The following CTSF variants were observed in gnomAD, a reference collection of about 807,000 sequenced individuals.
CTSF encodes cathepsin F.
CTSF carries 65 observed loss-of-function variants against 63.5 expected under a neutral mutation model. That is an observed-to-expected ratio of 1.02 (90% confidence interval 0.84 to 1.26). The LOEUF (loss-of-function observed/expected upper bound fraction) is 1.26, where lower values mean the gene tolerates loss of function less well. CTSF is among the 50% of genes most tolerant of loss of function. The pLI is 0.00. For synonymous variants in CTSF, 256 were observed against 258.1 expected (o/e 0.99, Z 0.08); for missense variants, 641 against 631.0 (o/e 1.02, Z -0.17).
intron 11 of CTSF, 153 bp from the exon 12 acceptor site, chr11:66,564,299 G>C: frequency 9.8e-7 from 1 of 1,025,464 alleles, no homozygotes; most frequent in Non-Finnish European, 1.4e-6. Context: ...ACCAGCCTCA[G>C]GGAGAAGCCC....
intron 1 of CTSF, 83 bp downstream of exon 1, chr11:66,568,191 G>A (rs898225748): frequency 2.0e-6 from 3 of 1,531,412 alleles, no homozygotes; most frequent in African/African-American, 1.4e-5. Context: ...TTCGTCCAGC[G>A]GGCAGGCCCC....
Position 66,567,292 on chromosome 11 carries a change from G to C in CTSF, c.561C>G (p.Phe187Leu). 1 of 1,614,206 alleles carries C rather than the reference G, an allele frequency of 6.2e-7. No individual in the cohort carries two copies. Among genetic ancestry groups the C allele is most frequent in the Non-Finnish European group, 8.5e-7 (1 of 1,180,040 alleles). ...QDLPVKMASI[F>L]KNFVITYNRT... The stretch of plus-strand genomic sequence containing the variant: ...GGTTATAGGTAATGACAAAGTTCTT[G>C]AAGATTGAAGCCATCTTCACAGGCA... The change falls in exon 4 of 13, where the codon TTC becomes TTG. Residue 187 changes from phenylalanine (F) to leucine (L), a missense_variant. By Grantham distance (22) the Phe-to-Leu change is conservative. Coordinates refer to ENST00000310325, the MANE Select transcript of CTSF (RefSeq NM_003793.4).
chr11:66,566,732 T>G (rs1257313699), intron 4 of CTSF, among the ~76,000 whole-genome samples: 1 of 151,926 alleles, frequency 6.6e-6, no homozygotes, highest in Non-Finnish European at 1.5e-5. Flanking sequence ...AGCTTCTTTT[T>G]TTTTTTTTTG....
chr11:66,564,994 G>C lies in CTSF; in HGVS notation c.1058C>G (p.Thr353Arg). The C allele has an allele frequency of 6.4e-7, 1 of 1,568,864 alleles. No homozygotes were observed. Among genetic ancestry groups the C allele is most frequent in the Non-Finnish European group, 8.7e-7 (1 of 1,153,970 alleles). The change falls in exon 9 of 13, where the codon ACA becomes AGA. Residue 353 changes from threonine (T) to arginine (R), a missense_variant. By Grantham distance (71) the Thr-to-Arg change is moderately conservative. Coordinates refer to ENST00000310325, the MANE Select transcript of CTSF (RefSeq NM_003793.4). ...SAIKNLGGLE[T>R]EDDYSYQGHM... ...ACCCTGGTAGCTGTAGTCATCCTCT[G>C]TCTCCAGCCCTCCTGGGGAACGGTG...
At chr11:66,564,417 C>T in intron 11 of CTSF, 141 bp downstream of exon 11, 1 of 846,282 alleles carries the variant, frequency 1.2e-6, no homozygotes, top group East Asian at 2.7e-5. Context: ...ACAGATGATG[C>T]CCAGCTGGTC....
In CTSF at chr11:66,564,726, G is replaced by A. The variant is rs1287331759; in HGVS notation, c.1230+16C>T. 7 of 1,613,694 alleles carry A rather than the reference G, an allele frequency of 4.3e-6. No homozygotes were observed. Among genetic ancestry groups the A allele is most frequent in the African/African-American group, 4.0e-5 (3 of 74,940 alleles). On this transcript the variant is annotated intron_variant, in intron 10 of 12. Coordinates refer to ENST00000310325, the MANE Select transcript of CTSF (RefSeq NM_003793.4). ...CAACAAGAGATGGGGCAGGGGCAGT[G>A]GGGCTAGGGCCTCACCTGCATGCCA...
rs1015338674 is a variant in CTSF, at chr11:66,568,265, C to T, written c.213+9G>A. The T allele has an allele frequency of 4.0e-6, 6 of 1,507,724 alleles. No individual in the cohort carries two copies. The highest frequency in any genetic ancestry group is 5.3e-6 in the Non-Finnish European group (6 of 1,135,098). 93.4% of individuals were successfully genotyped at this position (1,507,724 alleles called of 1,614,324 possible). A position where few individuals can be genotyped will look rare whatever the true frequency, so the allele number is the denominator to read the frequency against. On this transcript the variant is annotated intron_variant, in intron 1 of 12. Transcript: ENST00000310325. ...GGGCCTGGCGCCCCCGCCCCCGGCG[C>T]GTCCTCACCCGGCGGACGCGGCCGC...
chr11:66,567,769 G>A (rs1266097992), intron 2 of CTSF, 107 bp from the exon 3 acceptor site: 4 of 1,470,288 alleles, frequency 2.7e-6, no homozygotes, highest in East Asian at 4.7e-5. Context: ...CACCCCTAAG[G>A]CAATCACCCC....
intron 2 of CTSF, 31 bp from the exon 3 acceptor site, chr11:66,567,693 G>T: frequency 3.8e-6 from 6 of 1,598,456 alleles, no homozygotes; most frequent in Non-Finnish European, 5.1e-6. Flanking sequence ...TGCTCTGGGG[G>T]CCTGGATCTG....
chr11:66,567,210 T>C (rs1315907723), intron 4 of CTSF, 36 bp downstream of exon 4: 2 of 1,601,280 alleles, frequency 1.2e-6, no homozygotes, highest in Non-Finnish European at 1.7e-6. Flanking sequence ...AGTCCTGTTC[T>C]GATAGGAACA....
rs200788870 is a variant in CTSF, at chr11:66,564,836, C to A, written c.1166-30G>T. ...GATGGGAAGGGGTGGCATCAGTAGG[C>A]ACCCAGGCCCCGGCCCCACCTGACC... On this transcript the variant is annotated intron_variant, in intron 9 of 12. Transcript: ENST00000310325. The A allele has an allele frequency of 1.3e-4, 204 of 1,614,034 alleles. 1 individual carries two copies. In the African/African-American group the frequency reaches 2.6e-3, roughly 20 times the overall value.
chr11:66,567,100 G>A lies in CTSF; in HGVS notation c.607+146C>T, dbSNP rs1590816631. On this transcript the variant is annotated intron_variant, in intron 4 of 12. Transcript: ENST00000310325. Reference sequence around the variant, plus strand: ...GGTACTCAGGGTGGCTGCCAGGCTGGGAAGGCTTAGGGAGAGCTCAGGAAT... The same window carrying A: ...GGTACTCAGGGTGGCTGCCAGGCTGAGAAGGCTTAGGGAGAGCTCAGGAAT... The A allele has an allele frequency of 1.0e-5, 8 of 798,964 alleles. No homozygotes were observed. In the East Asian group the frequency reaches 2.0e-4, roughly 20 times the overall value. The allele number at this position is 798,964 out of a possible 1,614,324, so 49.5% of individuals were successfully genotyped here.
At position 66,564,601 on chromosome 11, in the gene CTSF, A is replaced by G. The variant is rs1306495692; in HGVS notation, c.1278T>C (p.Pro426=). 2 of 1,596,518 alleles carry G rather than the reference A, an allele frequency of 1.3e-6. No homozygotes were observed. The highest frequency in any genetic ancestry group is 2.3e-5 in the South Asian group (2 of 88,540). Residue 426 remains proline, a synonymous_variant, in exon 11 of 13, where the codon CCT becomes CCC. Coordinates refer to ENST00000310325, the MANE Select transcript of CTSF (RefSeq NM_003793.4). ...ISRPLRPLCS[P]WLIDHAVLLV... ...GCAACACCGCATGGTCAATGAGCCA[A>G]GGGCTGCAGAGGGGCCGGAGAGGGC...
At chr11:66,566,871 C>T (rs548285138) in intron 4 of CTSF, among the ~76,000 whole-genome samples, 3 of 152,074 alleles carry the variant, frequency 2.0e-5, no homozygotes, top group East Asian at 3.9e-4. Context: ...TACAGGTGTG[C>T]GCCACCACAC....
In CTSF at chr11:66,564,098, C is replaced by G. The variant is rs888414145; in HGVS notation, c.1370G>C (p.Trp457Ser). The G allele has an allele frequency of 1.9e-6, 3 of 1,613,616 alleles. No individual in the cohort carries two copies. The highest frequency in any genetic ancestry group is 1.7e-5 in the Admixed American group (1 of 59,924). ...GCCAGCAAGACTCACCTTCTCACCC[C>G]AGTCAGTGCCCCAGCTGTTCTTGAT... ...WAIKNSWGTD[W>S]GEKGYYYLHR... is the part of the protein sequence containing the mutation. The change falls in exon 12 of 13, where the codon TGG becomes TCG. Residue 457 changes from tryptophan (W) to serine (S), a missense_variant. Physicochemically the swap from Trp to Ser is radical, Grantham distance 177 (BLOSUM62 -3). Transcript: ENST00000310325.
At position 66,568,282 on chromosome 11, in the gene CTSF, C is replaced by G. The variant is rs1309562963; in HGVS notation, c.205G>C (p.Val69Leu). 8.0e-6 allele frequency: 12 copies of G among 1,494,966 alleles called. No individual in the cohort carries two copies. The highest frequency in any genetic ancestry group is 2.7e-5 in the East Asian group (1 of 36,760). The allele number at this position is 1,494,966 out of a possible 1,614,324, so 92.6% of individuals were successfully genotyped here. A position where few individuals can be genotyped will look rare whatever the true frequency, so the allele number is the denominator to read the frequency against. Reference protein sequence around the residue: ...RAVLGLVRGRVRRAGQGSLYS... With the variant: ...RAVLGLVRGRLRRAGQGSLYS... Reference sequence around the variant, plus strand: ...CCCCGGCGCGTCCTCACCCGGCGGACGCGGCCGCGCACAAGGCCCAGCACG... The same window carrying G: ...CCCCGGCGCGTCCTCACCCGGCGGAGGCGGCCGCGCACAAGGCCCAGCACG... The change falls in exon 1 of 13, where the codon GTC becomes CTC. Residue 69 changes from valine (V) to leucine (L), a missense_variant. Coordinates refer to ENST00000310325, the MANE Select transcript of CTSF (RefSeq NM_003793.4).
At position 66,564,642 on chromosome 11, in the gene CTSF, G is replaced by A. The variant is rs779164010; in HGVS notation, c.1237C>T (p.Arg413Cys). ...CGGAGAGGGCGGGAGATCCCGTGGC[G>A]GTAAAACTGGAGGTGGAGAAGGAGT... Reference protein sequence around the residue: ...AINAFGMQFYRHGISRPLRPL... With the variant: ...AINAFGMQFYCHGISRPLRPL... Residue 413 changes from arginine to cysteine, a missense_variant, in exon 11 of 13, where the codon CGC (arginine) becomes TGC (cysteine). Coordinates refer to ENST00000310325, the MANE Select transcript of CTSF (RefSeq NM_003793.4). The A allele has an allele frequency of 3.0e-5, 48 of 1,610,444 alleles. No homozygotes were observed. Among genetic ancestry groups the A allele is most frequent in the Middle Eastern group, 1.6e-4 (1 of 6,068 alleles).
Position 66,567,550 on chromosome 11 carries a change from G to A in CTSF, c.425C>T (p.Thr142Ile), listed in dbSNP as rs761466710. Residue 142 changes from threonine to isoleucine, a missense_variant, in exon 3 of 13, where the codon ACT (threonine) becomes ATT (isoleucine). Physicochemically the swap from Thr to Ile is moderately conservative, Grantham distance 89. Transcript: ENST00000310325. ...AGAAGAAATCATGGCTGAGCCCTGAGTGAAGGCTGACTTGGGCTCCCCAGC... is the reference window on the plus strand; with the variant it reads ...AGAAGAAATCATGGCTGAGCCCTGAATGAAGGCTGACTTGGGCTCCCCAGC... Reference protein sequence around the residue: ...PGAGEPKSAFTQGSAMISSLS... With the variant: ...PGAGEPKSAFIQGSAMISSLS... 2 of 1,614,242 alleles carry A rather than the reference G, an allele frequency of 1.2e-6. No individual in the cohort carries two copies. The highest frequency in any genetic ancestry group is 1.7e-5 in the Admixed American group (1 of 60,030).
intron 11 of CTSF, 98 bp from the exon 12 acceptor site, chr11:66,564,244 G>T: frequency 7.1e-7 from 1 of 1,399,138 alleles, no homozygotes; most frequent in Non-Finnish European, 9.8e-7. Flanking sequence ...TGGGCCTACT[G>T]TGTGACAGGG....
Sources: gnomAD v4.1 joint callset for allele counts (sites outside exome capture counted in the v4.1 genomes callset) on GRCh38, gnomAD v4.1.1 for gene constraint, MANE v1.5 for transcripts, NCBI Gene and HGNC (gene_info 2026-07-23, HGNC 2026-07-21) for gene names.